NFIC: variants seen among roughly 807,000 people sequenced by gnomAD.
NFIC encodes the protein nuclear factor 1 C-type.
In NFIC, 12 loss-of-function variants were observed where a neutral mutation model predicts 54.4. That is an observed-to-expected ratio of 0.22 (90% CI 0.14 to 0.36). The LOEUF (loss-of-function observed/expected upper bound fraction) is 0.36. Among genes scored for constraint, NFIC ranks in the 10% least tolerant of loss-of-function variants. NFIC has a pLI of 1.00. For missense variants in NFIC, 575 were observed against 718.2 expected (o/e 0.80, Z 2.28); for synonymous variants, 322 against 319.2 (o/e 1.01, Z -0.09).
At position 3,444,694 on chromosome 19, in the gene NFIC, T is replaced by C. The variant is rs145211322; in HGVS notation, c.959-4320T>C. Among the ~76,000 whole-genome samples, 294 of 152,298 alleles carry C rather than the reference T, an allele frequency of 1.9e-3. 1 individual carries two copies. Among genetic ancestry groups the C allele is most frequent in the African/African-American group, 6.7e-3 (280 of 41,570 alleles). ...CGGGGGTGGAGTCTGAGCCAGACTATTTCCATCCAGGACAAGCGGTTCTAG... is the reference window on the plus strand; with the variant it reads ...CGGGGGTGGAGTCTGAGCCAGACTACTTCCATCCAGGACAAGCGGTTCTAG... On this transcript the variant is annotated intron_variant, in intron 6 of 10. Coordinates refer to ENST00000443272, the MANE Select transcript of NFIC (RefSeq NM_001245002.2).
rs115415594 is a variant in NFIC, at chr19:3,440,871, G to T, written c.958+5664G>T. On this transcript the variant is annotated intron_variant, in intron 6 of 10. Coordinates refer to ENST00000443272, the MANE Select transcript of NFIC (RefSeq NM_001245002.2). ...TTCCCAAATAGTGACTTGCTCTGTC[G>T]CCCAGGATGGAGTGCAGTGGTGCGA... 7.9e-3 allele frequency among the ~76,000 whole-genome samples: 1,206 copies of T among 152,182 alleles called. 17 individuals are homozygous for T. Among genetic ancestry groups the T allele is most frequent in the African/African-American group, 0.028 (1,159 of 41,508 alleles).
chr19:3,382,713 C>G (rs2081233661), intron 2 of NFIC, among the ~76,000 whole-genome samples: 1 of 150,270 alleles, frequency 6.7e-6, no homozygotes. Context: ...TGACACGGGG[C>G]AAGGAGGGTC....
intron 9 of NFIC, chr19:3,454,345 C>T (rs549968503): frequency 4.6e-6 from 4 of 860,732 alleles, no homozygotes; most frequent in South Asian, 5.2e-5. Flanking sequence ...GGACGTTTTA[C>T]ATAAACATTT....
intron 3 of NFIC, among the ~76,000 whole-genome samples, chr19:3,428,476 G>A (rs1163182822): frequency 4.6e-5 from 7 of 151,356 alleles, no homozygotes; most frequent in Admixed American, 2.0e-4. Context: ...AGGAAAAGAA[G>A]GAAGGAAGAG....
intron 4 of NFIC, 64 bp downstream of exon 4, chr19:3,433,656 A>G: frequency 1.9e-6 from 3 of 1,539,456 alleles, no homozygotes; most frequent in Admixed American, 1.7e-5. Flanking sequence ...GGGAGGAAGG[A>G]GCCCACCCCC....
At chr19:3,394,120 A>T (rs997563836) in intron 2 of NFIC, among the ~76,000 whole-genome samples, 3 of 151,740 alleles carry the variant, frequency 2.0e-5, no homozygotes, top group Non-Finnish European at 4.4e-5. Flanking sequence ...TAATTTTAAC[A>T]TTACTTTATT....
rs1006011264 is a variant in NFIC at position 3,467,871 on chromosome 19, G to A, written c.*5102G>A. ...TCTGGATTCTCTCTCTGAGACCCCG[G>A]ATTTTACTTTCTCTTTGGAGGGCGC... On this transcript the variant is annotated 3_prime_UTR_variant, in exon 11 of 11. Coordinates refer to ENST00000443272, the MANE Select transcript of NFIC (RefSeq NM_001245002.2). The A allele has an allele frequency of 6.7e-6, 1 of 148,802 alleles. No individual in the cohort carries two copies. Among genetic ancestry groups the A allele is most frequent in the African/African-American group, 2.5e-5 (1 of 39,852 alleles). 9.2% of individuals were successfully genotyped at this position (148,802 alleles called of 1,614,324 possible).
intron 2 of NFIC, among the ~76,000 whole-genome samples, chr19:3,394,012 G>A (rs528465175): frequency 6.0e-5 from 9 of 150,970 alleles, no homozygotes; most frequent in African/African-American, 1.9e-4. Context: ...GTGCAATCTC[G>A]GCTCACTGCA....
intron 2 of NFIC, among the ~76,000 whole-genome samples, chr19:3,408,519 G>A (rs2081694349): frequency 6.6e-6 from 1 of 152,050 alleles, no homozygotes; most frequent in African/African-American, 2.4e-5. Context: ...ATAGCTCATC[G>A]CAGCCTCAAA....
At chr19:3,455,900 TC>T (rs2082547176) in intron 9 of NFIC, among the ~76,000 whole-genome samples, 1 of 152,034 alleles carries the variant, frequency 6.6e-6, no homozygotes, top group South Asian at 2.1e-4. Flanking sequence ...CTCCTACTTC[TC>T]CCCATAAGCC....
rs1183928218 is a variant in NFIC, at chr19:3,382,240, C to A, written c.559C>A (p.Arg187=). The A allele has an allele frequency of 3.8e-6, 6 of 1,599,634 alleles. No homozygotes were observed. The African/African-American group carries it at 8.0e-5, about 21-fold the overall frequency. The change falls in exon 2 of 11, where the codon CGA becomes AGA. Residue 187 remains arginine, a synonymous_variant. Transcript: ENST00000443272. ...CTACCTGGCCTACTTCGTGCGTGAG[C>A]GAGGTGAGGTGTGGTGGCCTGAGCG... ...DLYLAYFVRE[R]DAEQSGSPRT...
At chr19:3,377,902 G>A (rs972229884) in intron 1 of NFIC, among the ~76,000 whole-genome samples, 2 of 151,940 alleles carry the variant, frequency 1.3e-5, no homozygotes, top group African/African-American at 2.4e-5. Flanking sequence ...GACTACAGAC[G>A]CGCACCACAA....
chr19:3,394,915 T>A (rs1424295940), intron 2 of NFIC, among the ~76,000 whole-genome samples: 2 of 152,068 alleles, frequency 1.3e-5, no homozygotes, highest in Non-Finnish European at 2.9e-5. Flanking sequence ...ACCCCGTCCC[T>A]GGAAAAATTG....
intron 6 of NFIC, among the ~76,000 whole-genome samples, chr19:3,435,492 C>T (rs920984334): frequency 1.3e-5 from 2 of 152,206 alleles, no homozygotes; most frequent in Admixed American, 6.6e-5. Flanking sequence ...CTGTGGGGTC[C>T]CCGAGCTGCA....
chr19:3,451,510 G>A (rs898755526), intron 7 of NFIC, among the ~76,000 whole-genome samples: 1 of 151,814 alleles, frequency 6.6e-6, no homozygotes, highest in Non-Finnish European at 1.5e-5. Context: ...GGCACACGCC[G>A]GCAGTCCGTG....
intron 2 of NFIC, among the ~76,000 whole-genome samples, chr19:3,408,605 C>G (rs2081695948): frequency 6.6e-6 from 1 of 152,112 alleles, no homozygotes; most frequent in African/African-American, 2.4e-5. Context: ...CACCACCACA[C>G]CCAGCTAATT....
intron 2 of NFIC, among the ~76,000 whole-genome samples, chr19:3,423,764 A>G (rs2081987879): frequency 6.6e-6 from 1 of 152,132 alleles, no homozygotes; most frequent in African/African-American, 2.4e-5. Flanking sequence ...CTGGGCGGGC[A>G]GTGGGGTCGT....
At chr19:3,423,770 G>T (rs558708458) in intron 2 of NFIC, among the ~76,000 whole-genome samples, 1 of 152,292 alleles carries the variant, frequency 6.6e-6, no homozygotes, top group South Asian at 2.1e-4. Flanking sequence ...GGGCAGTGGG[G>T]TCGTCGCCAT....
At chr19:3,359,730 G>T in intron 1 of NFIC, 1 of 1,410,464 alleles carries the variant, frequency 7.1e-7, no homozygotes, top group Non-Finnish European at 9.4e-7. Flanking sequence ...GGACTTTTTG[G>T]GGTGGTGCGT....
Sources: allele counts gnomAD v4.1 joint callset (sites outside exome capture counted in the v4.1 genomes callset), GRCh38; gene constraint gnomAD v4.1.1; transcripts MANE v1.5; gene names NCBI Gene and HGNC (gene_info 2026-07-23, HGNC 2026-07-21).